SEMA5A: variants seen among roughly 807,000 people sequenced by gnomAD.
SEMA5A encodes semaphorin 5A, also known as semaphorin-5A.
SEMA5A carries 55 observed loss-of-function variants against 135.5 expected under a neutral mutation model. The ratio of observed to expected loss-of-function variants is 0.41; its 90% CI spans 0.33 to 0.51. The LOEUF is 0.51. SEMA5A is among the 20% of genes least tolerant of loss of function. SEMA5A has a pLI of 0.37. For synonymous variants in SEMA5A, 580 were observed against 546.5 expected, an observed-to-expected ratio of 1.06 and a Z score of -0.85; for missense variants, 1,290 against 1,419.9, an observed-to-expected ratio of 0.91 and a Z score of 1.47.
At chr5:9,337,176 G>A (rs929276663) in intron 4 of SEMA5A, among the ~76,000 whole-genome samples, 1 of 152,142 alleles carries the variant, frequency 6.6e-6, no homozygotes, top group South Asian at 2.1e-4. Flanking sequence ...TAACTTCGTT[G>A]AATCTCAATT....
chr5:9,196,027 G>A (rs1239744199), intron 10 of SEMA5A, among the ~76,000 whole-genome samples: 4 of 152,220 alleles, frequency 2.6e-5, no homozygotes, highest in African/African-American at 9.6e-5. Context: ...CATGGAGAAG[G>A]CATTACCCAC....
intron 4 of SEMA5A, among the ~76,000 whole-genome samples, chr5:9,330,070 C>T (rs1753053451): frequency 6.6e-6 from 1 of 151,918 alleles, no homozygotes; most frequent in Admixed American, 6.6e-5. Flanking sequence ...TATGTACTTA[C>T]TTGCTTATAA....
intron 3 of SEMA5A, among the ~76,000 whole-genome samples, chr5:9,361,588 T>A (rs2126378398): frequency 6.6e-6 from 1 of 152,320 alleles, no homozygotes; most frequent in South Asian, 2.1e-4. Flanking sequence ...CTAAGAGATT[T>A]CCTCAGCATT....
chr5:9,524,266 C>T (rs1737000786), intron 1 of SEMA5A, among the ~76,000 whole-genome samples: 1 of 152,180 alleles, frequency 6.6e-6, no homozygotes, highest in East Asian at 1.9e-4. Flanking sequence ...AACTAAACAT[C>T]TTTTCTTCAT....
At chr5:9,381,084 C>T (rs569016097) in intron 2 of SEMA5A, among the ~76,000 whole-genome samples, 45 of 152,218 alleles carry the variant, frequency 3.0e-4, no homozygotes, top group African/African-American at 1.1e-3. Context: ...ATATGGAAGG[C>T]AAACTACACT....
At chr5:9,117,805 C>T (rs1204288141) in intron 15 of SEMA5A, among the ~76,000 whole-genome samples, 2 of 152,172 alleles carry the variant, frequency 1.3e-5, no homozygotes, top group Admixed American at 1.3e-4. Context: ...AATAGGGAGA[C>T]AATTCTTCCA....
At chr5:9,454,967 T>A (rs1758776806) in intron 1 of SEMA5A, among the ~76,000 whole-genome samples, 1 of 152,172 alleles carries the variant, frequency 6.6e-6, no homozygotes, top group South Asian at 2.1e-4. Context: ...ATTTTGCAAA[T>A]CCTAGAAGAC....
At chr5:9,281,939 C>A (rs901514447) in intron 5 of SEMA5A, among the ~76,000 whole-genome samples, 2 of 151,382 alleles carry the variant, frequency 1.3e-5, no homozygotes, top group African/African-American at 2.4e-5. Flanking sequence ...CAGCCTGTCA[C>A]GTAGCTGGGA....
intron 5 of SEMA5A, among the ~76,000 whole-genome samples, chr5:9,294,181 T>G (rs1452532862): frequency 1.3e-5 from 2 of 152,208 alleles, no homozygotes; most frequent in Non-Finnish European, 2.9e-5. Flanking sequence ...GCATTTGGCC[T>G]TCCGGTACAT....
chr5:9,197,120 T>A, intron 10 of SEMA5A, 48 bp downstream of exon 10: 1 of 1,611,132 alleles, frequency 6.2e-7, no homozygotes, highest in Non-Finnish European at 8.5e-7. Context: ...GGCTTCTGCA[T>A]TCTTCATGGG....
At chr5:9,286,042 T>C (rs1330837472) in intron 5 of SEMA5A, among the ~76,000 whole-genome samples, 1 of 152,102 alleles carries the variant, frequency 6.6e-6, no homozygotes, top group East Asian at 1.9e-4. Context: ...AATATATCCA[T>C]AAAACTTTTT....
intron 3 of SEMA5A, among the ~76,000 whole-genome samples, chr5:9,340,821 G>A (rs1300583312): frequency 6.6e-6 from 1 of 152,102 alleles, no homozygotes; most frequent in Non-Finnish European, 1.5e-5. Context: ...TACCAAGAGA[G>A]CCTTGCAAGA....
At chr5:9,220,996 T>C (rs1179812600) in intron 8 of SEMA5A, among the ~76,000 whole-genome samples, 1 of 152,092 alleles carries the variant, frequency 6.6e-6, no homozygotes, top group African/African-American at 2.4e-5. Context: ...GGACTTACCC[T>C]CCACTCCTCC....
intron 5 of SEMA5A, among the ~76,000 whole-genome samples, chr5:9,296,388 G>A (rs1024693323): frequency 6.6e-6 from 1 of 152,016 alleles, no homozygotes; most frequent in African/African-American, 2.4e-5. Context: ...TTTTAAAGCA[G>A]CTAAATGTAA....
intron 6 of SEMA5A, among the ~76,000 whole-genome samples, chr5:9,232,501 T>C (rs1380143871): frequency 6.6e-6 from 1 of 152,212 alleles, no homozygotes; most frequent in Non-Finnish European, 1.5e-5. Flanking sequence ...GATGTATGTG[T>C]GTATGTGTGT....
intron 12 of SEMA5A, among the ~76,000 whole-genome samples, chr5:9,138,161 C>T (rs572994696): frequency 2.6e-5 from 4 of 152,298 alleles, no homozygotes; most frequent in African/African-American, 4.8e-5. Flanking sequence ...GTTCCTATAA[C>T]CTCATTAAAA....
At chr5:9,176,515 C>A (rs1477811358) in intron 11 of SEMA5A, among the ~76,000 whole-genome samples, 3 of 152,142 alleles carry the variant, frequency 2.0e-5, no homozygotes, top group African/African-American at 7.2e-5. Flanking sequence ...AAATTGTGAG[C>A]TAATAAGTGT....
At chr5:9,230,760 G>C (rs1013485314) in intron 6 of SEMA5A, among the ~76,000 whole-genome samples, 1 of 152,024 alleles carries the variant, frequency 6.6e-6, no homozygotes, top group African/African-American at 2.4e-5. Flanking sequence ...TAATGAAGGA[G>C]GGTAGTAGTG....
intron 1 of SEMA5A, among the ~76,000 whole-genome samples, chr5:9,449,758 A>T (rs1018721080): frequency 6.6e-5 from 10 of 152,300 alleles, no homozygotes; most frequent in Middle Eastern, 3.4e-3. Context: ...CCTCACCCAG[A>T]TCTAGAAGAT....
Sources: gnomAD v4.1 joint callset for allele counts (sites outside exome capture counted in the v4.1 genomes callset) on GRCh38, gnomAD v4.1.1 for gene constraint, MANE v1.5 for transcripts, NCBI Gene and HGNC (gene_info 2026-07-23, HGNC 2026-07-21) for gene names.